The following NFXL1 variants were observed in gnomAD, a reference collection of about 807,000 sequenced individuals.
NFXL1 encodes the protein nuclear transcription factor, X-box binding like 1.
NFXL1 carries 66 observed loss-of-function variants against 123.3 expected under a neutral mutation model. That is an observed-to-expected ratio of 0.54 (90% CI 0.44 to 0.66). NFXL1 has a LOEUF of 0.66. Among genes scored for constraint, NFXL1 ranks in the 30% least tolerant of loss-of-function variants. NFXL1 has a pLI of 0.00. For synonymous variants in NFXL1, 346 were observed against 360.8 expected, an observed-to-expected ratio of 0.96 and a Z score of 0.46; for missense variants, 944 against 1,125.6, an observed-to-expected ratio of 0.84 and a Z score of 2.31.
At chr4:47,852,126 TCTTAA>T (rs923130621) in intron 20 of NFXL1, 184 bp from the exon 21 acceptor site, 9 of 458,122 alleles carry the variant, frequency 2.0e-5, no homozygotes, top group South Asian at 4.3e-5. Context: ...GCTTATTTTC[TCTTAA>T]CTTAAAAAAG....
chr4:47,850,192 G>A (rs1490010847), intron 22 of NFXL1, among the ~76,000 whole-genome samples: 3 of 152,160 alleles, frequency 2.0e-5, no homozygotes, highest in Admixed American at 6.5e-5. Flanking sequence ...GCCAACTTAT[G>A]TTTTACTATT....
At position 47,884,375 on chromosome 4, in the gene NFXL1, C is replaced by T. The variant is rs1008227587; in HGVS notation, c.1887G>A (p.Pro629=). The T allele has an allele frequency of 1.0e-5, 16 of 1,606,072 alleles. No individual in the cohort carries two copies. The highest frequency in any genetic ancestry group is 1.6e-4 in the Middle Eastern group (1 of 6,066). The part of the protein sequence containing the change: ...SEPAFIQTAL[P]CPPCQVPIPM... Reference sequence around the variant, plus strand: ...GAATAGGAACTTGACATGGAGGACACGGTAATGCAGTCTGAATAAATGCTG... The same window carrying T: ...GAATAGGAACTTGACATGGAGGACATGGTAATGCAGTCTGAATAAATGCTG... The change falls in exon 15 of 23, where the codon CCG becomes CCA. Residue 629 remains proline, a synonymous_variant. Transcript: ENST00000507489.
At chr4:47,857,949 C>A (rs1324036872) in intron 19 of NFXL1, among the ~76,000 whole-genome samples, 1 of 152,180 alleles carries the variant, frequency 6.6e-6, no homozygotes, top group Non-Finnish European at 1.5e-5. Flanking sequence ...CTGTGAATTG[C>A]TCCCCAATGT....
chr4:47,885,465 T>C, intron 14 of NFXL1, 33 bp downstream of exon 14: 1 of 1,527,856 alleles, frequency 6.5e-7, no homozygotes, highest in Non-Finnish European at 9.0e-7. Flanking sequence ...CCCACAGCAA[T>C]GCACTATTTC....
At position 47,851,089 on chromosome 4, in the gene NFXL1, G is replaced by C. The variant is rs779081220; in HGVS notation, c.2562+6C>G. 6.2e-7 allele frequency: 1 copy of C among 1,605,704 alleles called. No individual in the cohort carries two copies. Among genetic ancestry groups the C allele is most frequent in the Non-Finnish European group, 8.5e-7 (1 of 1,172,678 alleles). On this transcript the variant is annotated splice_donor_region_variant and intron_variant, in intron 22 of 22. Coordinates refer to ENST00000507489, the MANE Select transcript of NFXL1 (RefSeq NM_001278624.2). ...AGACATAAATCTGGGTATTTTGTTT[G>C]GTTACCTGTTGTCTTCGTTTTTCTT...
chr4:47,882,065 T>C (rs972926667), intron 15 of NFXL1, among the ~76,000 whole-genome samples: 1 of 152,214 alleles, frequency 6.6e-6, no homozygotes, highest in African/African-American at 2.4e-5. Flanking sequence ...AGTACCAATA[T>C]TGGTTTCTCA....
intron 17 of NFXL1, 121 bp downstream of exon 17, chr4:47,878,404 G>T: frequency 1.4e-6 from 1 of 720,120 alleles, no homozygotes; most frequent in Non-Finnish European, 2.3e-6. Context: ...AAGGAGAAGG[G>T]ATGAGGGCAA....
chr4:47,880,481 A>G (rs1736027889), intron 15 of NFXL1, among the ~76,000 whole-genome samples: 1 of 151,530 alleles, frequency 6.6e-6, no homozygotes. Context: ...CTGGCAGAAA[A>G]TACTTGGAAA....
At chr4:47,894,078 T>C in intron 11 of NFXL1, 102 bp downstream of exon 11, 1 of 762,610 alleles carries the variant, frequency 1.3e-6, no homozygotes, top group Non-Finnish European at 2.0e-6. Flanking sequence ...AGCATATGCC[T>C]GAACATTTGA....
intron 2 of NFXL1, among the ~76,000 whole-genome samples, chr4:47,912,919 C>A (rs1430432815): frequency 1.4e-5 from 2 of 148,068 alleles, no homozygotes; most frequent in African/African-American, 2.5e-5. Flanking sequence ...AGGCTGAGGC[C>A]GGAGAACGGC....
At chr4:47,870,044 A>G (rs1735334592) in intron 18 of NFXL1, among the ~76,000 whole-genome samples, 1 of 152,154 alleles carries the variant, frequency 6.6e-6, no homozygotes, top group Non-Finnish European at 1.5e-5. Context: ...GAAAAAATAG[A>G]GAAAGTTATC....
chr4:47,859,398 A>G (rs1734595516), intron 19 of NFXL1, among the ~76,000 whole-genome samples: 1 of 152,228 alleles, frequency 6.6e-6, no homozygotes, highest in African/African-American at 2.4e-5. Flanking sequence ...ATTACCTCAT[A>G]TAATACTCAG....
chr4:47,858,503 TC>T (rs1252425326), intron 19 of NFXL1, among the ~76,000 whole-genome samples: 2 of 152,162 alleles, frequency 1.3e-5, no homozygotes, highest in African/African-American at 2.4e-5. Context: ...TATTCAAATG[TC>T]CACCCACAGT....
chr4:47,903,046 T>G lies in NFXL1; in HGVS notation c.647+147A>C, dbSNP rs577791533. 8.1e-6 allele frequency: 3 copies of G among 371,724 alleles called. No homozygotes were observed. In the East Asian group the frequency reaches 1.7e-4, roughly 21 times the overall value. 23.0% of individuals were successfully genotyped at this position (371,724 alleles called of 1,614,324 possible). A position where few individuals can be genotyped will look rare whatever the true frequency, so the allele number is the denominator to read the frequency against. On this transcript the variant is annotated intron_variant, in intron 5 of 22. Transcript: ENST00000507489. ...GACAGGTGCCTATAATCCCAGCTAC[T>G]CAGGAGGCTGAGACAGGAGAATCTC...
chr4:47,849,149 G>T lies in NFXL1; in HGVS notation c.2563-813C>A, dbSNP rs145966596. ...TCAAGTGAGTAAAGAGAAAAAAGCT[G>T]CCAGAACTCGATTCTTCTCTACCAA... is the stretch of plus-strand genomic sequence containing the variant. On this transcript the variant is annotated intron_variant, in intron 22 of 22. Coordinates refer to ENST00000507489, the MANE Select transcript of NFXL1 (RefSeq NM_001278624.2). Among the ~76,000 whole-genome samples the T allele has an allele frequency of 1.6e-4, 25 of 152,154 alleles. No individual in the cohort carries two copies. The East Asian group carries it at 2.5e-3, about 15-fold the overall frequency.
At chr4:47,894,117 G>C in intron 11 of NFXL1, 63 bp downstream of exon 11, 1 of 1,330,302 alleles carries the variant, frequency 7.5e-7, no homozygotes, top group Non-Finnish European at 1.0e-6. Context: ...ACTTATTTGG[G>C]CCCAAAATGG....
chr4:47,871,557 A>T, intron 18 of NFXL1, among the ~76,000 whole-genome samples: 1 of 152,210 alleles, frequency 6.6e-6, no homozygotes, highest in East Asian at 1.9e-4. Flanking sequence ...CATTTACAAC[A>T]GAATCATCAA....
intron 18 of NFXL1, 108 bp downstream of exon 18, chr4:47,875,019 T>G (rs1285028558): frequency 1.7e-6 from 1 of 578,918 alleles, no homozygotes; most frequent in African/African-American, 1.9e-5. Flanking sequence ...CTGGAAAATC[T>G]AGGCATCTAG....
chr4:47,903,010 C>G lies in NFXL1; in HGVS notation c.647+183G>C, dbSNP rs547537571. ...GTCTACTAAAAATACAAAAAATTAG[C>G]CAGGCATAGTGACAGGTGCCTATAA... On this transcript the variant is annotated intron_variant, in intron 5 of 22. Coordinates refer to ENST00000507489, the MANE Select transcript of NFXL1 (RefSeq NM_001278624.2). Among the ~76,000 whole-genome samples the G allele has an allele frequency of 5.3e-5, 8 of 152,204 alleles. 1 individual carries two copies. The South Asian group carries it at 1.7e-3, about 32-fold the overall frequency.
Sources: gnomAD v4.1 joint callset for allele counts (sites outside exome capture counted in the v4.1 genomes callset) on GRCh38, gnomAD v4.1.1 for gene constraint, MANE v1.5 for transcripts, NCBI Gene and HGNC (gene_info 2026-07-23, HGNC 2026-07-21) for gene names.